Variants in ATP8B1 observed in about 807,000 individuals in gnomAD.
ATP8B1 encodes ATPase phospholipid transporting 8B1.
In ATP8B1, 80 loss-of-function variants were observed where a neutral mutation model predicts 149.9. That is an observed-to-expected ratio of 0.53 (90% CI 0.45 to 0.64). The LOEUF is 0.64. ATP8B1 is among the 30% of genes least tolerant of loss of function. The pLI is 0.00. For missense variants in ATP8B1, 1,247 were observed against 1,552.6 expected (o/e 0.80, Z 3.31); for synonymous variants, 536 against 562.8 (o/e 0.95, Z 0.67).
Position 57,718,573 on chromosome 18 carries a change from AAGACCTAT to A in ATP8B1, c.182-11994_182-11987del, listed in dbSNP as rs1222013514. Among the ~76,000 whole-genome samples the A allele has an allele frequency of 6.6e-5, 10 of 152,170 alleles. 1 individual carries two copies. The highest frequency in any genetic ancestry group is 6.5e-4 in the Admixed American group (10 of 15,274). ...ATCAAAAAACAAAAACAAAAACAAA[AAGACCTAT>A]AGGCCAATATCATTGATGAATGTTG... On this transcript the variant is annotated intron_variant, in intron 2 of 27. Coordinates refer to ENST00000648908, the MANE Select transcript of ATP8B1 (RefSeq NM_001374385.1).
intron 2 of ATP8B1, among the ~76,000 whole-genome samples, chr18:57,713,753 A>G (rs571388710): frequency 1.6e-4 from 9 of 55,482 alleles, no homozygotes; most frequent in South Asian, 6.7e-4. Flanking sequence ...ACCTCCCAAC[A>G]TGCTGGGATT....
chr18:57,701,503 T>A (rs138636079), intron 4 of ATP8B1, among the ~76,000 whole-genome samples, 190 bp from the exon 5 acceptor site: 54 of 152,336 alleles, frequency 3.5e-4, no homozygotes, highest in African/African-American at 1.3e-3. Flanking sequence ...TCTCTCTAGC[T>A]TCTGGATACC....
chr18:57,664,036 A>AT (rs2122667193), intron 20 of ATP8B1, among the ~76,000 whole-genome samples: 1 of 141,806 alleles, frequency 7.1e-6, no homozygotes, highest in Admixed American at 7.1e-5. Context: ...CAGTGCTGGG[A>AT]TTACAGGCAT....
rs1367838828 is a variant in ATP8B1 at position 57,802,825 on chromosome 18, C to G, written c.-26+173G>C. ...CCGAGGCCTCGGGGGCTCCCAGCAC[C>G]TCCACCCAAATCCCACCTGTGCGGG... On this transcript the variant is annotated intron_variant, in intron 1 of 27. Transcript: ENST00000648908. This position sits in a 1 kb window ranked among gnomAD's most constrained non-coding sequence, Gnocchi z 4.9. Among the ~76,000 whole-genome samples, 5 of 152,252 alleles carry G rather than the reference C, an allele frequency of 3.3e-5. No homozygotes were observed. Among genetic ancestry groups the G allele is most frequent in the Non-Finnish European group, 7.3e-5 (5 of 68,046 alleles).
At chr18:57,775,642 GTTTTTTTT>G (rs35786009) in intron 1 of ATP8B1, among the ~76,000 whole-genome samples, 1 of 95,052 alleles carries the variant, frequency 1.1e-5, no homozygotes, top group Non-Finnish European at 2.2e-5. Flanking sequence ...AACTGGCCAT[GTTTTTTTT>G]TTTTTTTTTT....
rs758906628 is a variant in ATP8B1 at position 57,648,666 on chromosome 18, C to A, written c.3578G>T (p.Arg1193Leu). ...KRLKAEEQWQ[R>L]RQQVFRRGVS... ...GCCCCGGCGGAACACCTGCTGCCGT[C>A]GCTGCCACTGCTCCTCCGCCTTCAA... Residue 1193 changes from arginine (R) to leucine (L), a missense_variant, in exon 28 of 28, where the codon CGA (arginine) becomes CTA (leucine). By Grantham distance (102) the Arg-to-Leu change is moderately radical (BLOSUM62 -2). Transcript: ENST00000648908. 2.9e-5 allele frequency: 46 copies of A among 1,573,696 alleles called. No homozygotes were observed. The highest frequency in any genetic ancestry group is 3.8e-5 in the Non-Finnish European group (44 of 1,161,006).
chr18:57,688,240 G>T, intron 13 of ATP8B1, 59 bp downstream of exon 13: 1 of 1,534,584 alleles, frequency 6.5e-7, no homozygotes, highest in South Asian at 1.1e-5. Context: ...TCCAAGTAAT[G>T]ACCTGCACAC....
At chr18:57,657,660 T>C (rs1910095797) in intron 22 of ATP8B1, among the ~76,000 whole-genome samples, 1 of 152,260 alleles carries the variant, frequency 6.6e-6, no homozygotes, top group African/African-American at 2.4e-5. Flanking sequence ...ATATTTCCTA[T>C]GACCAGCATG....
chr18:57,661,666 T>G (rs1910424783), intron 21 of ATP8B1, among the ~76,000 whole-genome samples: 1 of 90,688 alleles, frequency 1.1e-5, no homozygotes. Flanking sequence ...TATGTATGTG[T>G]GTATGTATAT....
chr18:57,663,275 T>A (rs1454284128), intron 20 of ATP8B1, among the ~76,000 whole-genome samples: 1 of 152,202 alleles, frequency 6.6e-6, no homozygotes, highest in Non-Finnish European at 1.5e-5. Context: ...CCTTCCTTTT[T>A]AAAGTTGAAT....
intron 20 of ATP8B1, among the ~76,000 whole-genome samples, chr18:57,664,805 A>G (rs969791318): frequency 3.3e-5 from 5 of 152,148 alleles, no homozygotes; most frequent in Non-Finnish European, 7.4e-5. Context: ...AGGTGATGTG[A>G]TTTGCCTGCT....
intron 1 of ATP8B1, among the ~76,000 whole-genome samples, chr18:57,782,795 GT>G (rs2080368744): frequency 9.9e-6 from 1 of 100,728 alleles, no homozygotes; most frequent in Admixed American, 1.3e-4. Flanking sequence ...ATTAATTCTA[GT>G]TTGTCTCTTT....
rs1568175541 is a variant in ATP8B1, at chr18:57,647,103, CT to C, written c.*1384del. On this transcript the variant is annotated 3_prime_UTR_variant, in exon 28 of 28. Coordinates refer to ENST00000648908, the MANE Select transcript of ATP8B1 (RefSeq NM_001374385.1). Reference sequence around the variant, plus strand: ...CTTTGTTCAAGTCCCTGATAAAATACTTTGCATATAGGCAGGCACAAAAGTT... The same window carrying C: ...CTTTGTTCAAGTCCCTGATAAAATACTTGCATATAGGCAGGCACAAAAGTT... 3.3e-5 allele frequency: 5 copies of C among 152,320 alleles called. No homozygotes were observed. The South Asian group carries it at 1.0e-3, about 32-fold the overall frequency. The allele number at this position is 152,320 out of a possible 1,614,324, so 9.4% of individuals were successfully genotyped here.
At chr18:57,773,464 C>T (rs1029643005) in intron 1 of ATP8B1, among the ~76,000 whole-genome samples, 4 of 152,090 alleles carry the variant, frequency 2.6e-5, no homozygotes, top group Non-Finnish European at 2.9e-5. Flanking sequence ...AAAAAGGTGC[C>T]CAGTTTCTAG....
intron 2 of ATP8B1, among the ~76,000 whole-genome samples, chr18:57,727,037 G>A (rs1473245533): frequency 6.6e-6 from 1 of 152,090 alleles, no homozygotes; most frequent in African/African-American, 2.4e-5. Context: ...CTGAGATCAC[G>A]CCACTTCACT....
At chr18:57,752,482 A>G (rs912339236) in intron 1 of ATP8B1, among the ~76,000 whole-genome samples, 1 of 152,250 alleles carries the variant, frequency 6.6e-6, no homozygotes, top group South Asian at 2.1e-4. Context: ...CTTAATCTTG[A>G]TCCCATGTAA....
chr18:57,742,433 G>T (rs1297889932), intron 1 of ATP8B1, among the ~76,000 whole-genome samples: 1 of 152,092 alleles, frequency 6.6e-6, no homozygotes, highest in Non-Finnish European at 1.5e-5. Flanking sequence ...CTGTGGTGGG[G>T]ACAATTCAGC....
At chr18:57,682,963 G>T (rs1163096255) in intron 15 of ATP8B1, among the ~76,000 whole-genome samples, 2 of 152,096 alleles carry the variant, frequency 1.3e-5, no homozygotes, top group East Asian at 3.9e-4. Context: ...GAGTAGCTGG[G>T]ACTACAGGCA....
chr18:57,648,574 C>T lies in ATP8B1; in HGVS notation c.3670G>A (p.Gly1224Arg), dbSNP rs768004671. ...GAGCGCTTCTTGCGGATGCTGCGCCCGGAGGAGATGAGGTCCGCGTAGCCC... is the reference window on the plus strand; with the variant it reads ...GAGCGCTTCTTGCGGATGCTGCGCCTGGAGGAGATGAGGTCCGCGTAGCCC... Reference protein sequence around the residue: ...QRGYADLISSGRSIRKKRSPL... With the variant: ...QRGYADLISSRRSIRKKRSPL... Residue 1224 changes from glycine (G) to arginine (R), a missense_variant, in exon 28 of 28, where the codon GGG becomes AGG. Physicochemically the swap from Gly to Arg is moderately radical, Grantham distance 125. Around this residue, in one of 3 missense-constraint regions of ATP8B1, gnomAD observed 164 missense variants for 160.3 expected, o/e 1.02. Transcript: ENST00000648908. 1 of 1,611,226 alleles carries T rather than the reference C, an allele frequency of 6.2e-7. No individual in the cohort carries two copies. The highest frequency in any genetic ancestry group is 8.5e-7 in the Non-Finnish European group (1 of 1,179,936).
Sources: gnomAD v4.1 joint callset for allele counts (sites outside exome capture counted in the v4.1 genomes callset) on GRCh38, gnomAD v4.1.1 for gene constraint, gnomAD v4.1.1 regional missense constraint, Gnocchi (gnomAD v3.1) non-coding constraint, MANE v1.5 for transcripts, NCBI Gene and HGNC (gene_info 2026-07-23, HGNC 2026-07-21) for gene names.